Variants in RERGL observed in about 807,000 individuals in gnomAD.
The protein encoded by RERGL is ras-related and estrogen-regulated growth inhibitor-like protein.
A neutral mutation model predicts 24.7 loss-of-function variants in RERGL; 22 were observed. The observed-to-expected ratio is 0.89, with a 90% CI of 0.64 to 1.27. The LOEUF is 1.27. Ranked by LOEUF, RERGL falls within the 50% of genes most tolerant of loss-of-function variation. RERGL has a pLI of 0.00. For synonymous variants in RERGL, 76 were observed against 82.6 expected, an observed-to-expected ratio of 0.92 and a Z score of 0.43; for missense variants, 259 against 235.3, an observed-to-expected ratio of 1.10 and a Z score of -0.66.
At chr12:18,085,138 TG>T (rs1215998850) in intron 3 of RERGL, among the ~76,000 whole-genome samples, 1 of 152,216 alleles carries the variant, frequency 6.6e-6, no homozygotes, top group Non-Finnish European at 1.5e-5. Context: ...ACAGTTGTTT[TG>T]AAACCCTGAA....
chr12:18,087,103 C>T (rs12368201), intron 2 of RERGL, among the ~76,000 whole-genome samples: 7,518 of 152,200 alleles, frequency 0.049, 250 homozygotes, highest in Non-Finnish European at 0.076. Flanking sequence ...ACTCTAGTCT[C>T]GACCACCATC....
At chr12:18,081,796 A>C (rs75040868) in intron 4 of RERGL, among the ~76,000 whole-genome samples, 7,506 of 152,206 alleles carry the variant, frequency 0.049, 249 homozygotes, top group Non-Finnish European at 0.075. Flanking sequence ...AGTTTCTTTT[A>C]ATGTAAAAAT....
At chr12:18,084,432 G>A (rs750601934) in intron 4 of RERGL, 85 bp downstream of exon 4, 1 of 1,277,826 alleles carries the variant, frequency 7.8e-7, no homozygotes, top group South Asian at 1.6e-5. Flanking sequence ...TAATTGGAAG[G>A]CTGTATTAAA....
Position 18,084,588 on chromosome 12 carries a change from A to C in RERGL, c.261T>G (p.Asp87Glu). Residue 87 changes from aspartate (D) to glutamate (E), a missense_variant, in exon 4 of 5, where the codon GAT becomes GAG. Physicochemically the swap from Asp to Glu is conservative, Grantham distance 45. Coordinates refer to ENST00000538724, the MANE Select transcript of RERGL (RefSeq NM_001286201.2). ...DGFVIVYDIS[D>E]RSSFAFAKAL... ...CTTTTGCAAAAGCAAATGAAGACCT[A>C]TCACTGATGTCATACACAATAACAA... The C allele has an allele frequency of 6.2e-7, 1 of 1,613,244 alleles. No individual in the cohort carries two copies. Among genetic ancestry groups the C allele is most frequent in the East Asian group, 2.2e-5 (1 of 44,814 alleles).
chr12:18,089,868 C>G (rs954760649), intron 1 of RERGL, among the ~76,000 whole-genome samples: 1 of 151,938 alleles, frequency 6.6e-6, no homozygotes, highest in Non-Finnish European at 1.5e-5. Context: ...ATTTATCTTG[C>G]TATGCCTGCC....
intron 1 of RERGL, chr12:18,089,322 G>A: frequency 6.4e-7 from 1 of 1,564,162 alleles, no homozygotes. Context: ...TGGCTTCAAG[G>A]TACTATGTGT....
In RERGL at chr12:18,080,970, C is replaced by T; in HGVS notation, c.*221G>A. The T allele has an allele frequency of 4.9e-6, 2 of 404,796 alleles. No homozygotes were observed. Among genetic ancestry groups the T allele is most frequent in the East Asian group, 7.3e-5 (2 of 27,528 alleles). The allele number at this position is 404,796 out of a possible 1,614,324, so 25.1% of individuals were successfully genotyped here. On this transcript the variant is annotated 3_prime_UTR_variant, in exon 5 of 5. Coordinates refer to ENST00000538724, the MANE Select transcript of RERGL (RefSeq NM_001286201.2). ...AGGTTAGGGTGAGTGTGATGTTGTACAATAAATGAAAGGTTCTGTGTGAAG... is the reference window on the plus strand; with the variant it reads ...AGGTTAGGGTGAGTGTGATGTTGTATAATAAATGAAAGGTTCTGTGTGAAG...
chr12:18,085,186 T>G (rs1432673799), intron 3 of RERGL, among the ~76,000 whole-genome samples: 1 of 152,192 alleles, frequency 6.6e-6, no homozygotes, highest in East Asian at 1.9e-4. Flanking sequence ...ATAATCCCAT[T>G]TTAACTGTTT....
chr12:18,089,518 T>A (rs576200820), intron 1 of RERGL: 18 of 485,072 alleles, frequency 3.7e-5, no homozygotes, highest in Middle Eastern at 1.2e-3. Flanking sequence ...ACCATTATAA[T>A]GTGACCGAAA....
At position 18,088,969 on chromosome 12, in the gene RERGL, C is replaced by A. The variant is rs1168360216; in HGVS notation, c.53-13G>T. 7 of 1,602,128 alleles carry A rather than the reference C, an allele frequency of 4.4e-6. No individual in the cohort carries two copies. Among genetic ancestry groups the A allele is most frequent in the Non-Finnish European group, 6.0e-6 (7 of 1,169,600 alleles). On this transcript the variant is annotated splice_polypyrimidine_tract_variant and intron_variant, in intron 1 of 4. Transcript: ENST00000538724. ...CTCACTGTAAGGGCTGCAAAGCAAA[C>A]AATCTAGATTTAGGGCTGTTATATT...
Position 18,085,678 on chromosome 12 carries a change from T to C in RERGL, c.125A>G (p.Lys42Arg), listed in dbSNP as rs150940287. ...TTGTTTCCTTTCCAAACACAAGTGC[T>C]TCTTATAGATAGATTCTGCAAAAAT... The part of the protein sequence containing the change: ...YASNFESIYK[K>R]HLCLERKQLN... The change falls in exon 3 of 5, where the codon AAG becomes AGG. Residue 42 changes from lysine (K) to arginine (R), a missense_variant. Coordinates refer to ENST00000538724, the MANE Select transcript of RERGL (RefSeq NM_001286201.2). 6.3e-7 allele frequency: 1 copy of C among 1,598,066 alleles called. No homozygotes were observed. Among genetic ancestry groups the C allele is most frequent in the African/African-American group, 1.3e-5 (1 of 74,510 alleles).
At chr12:18,083,851 T>A (rs1239395229) in intron 4 of RERGL, among the ~76,000 whole-genome samples, 3 of 152,092 alleles carry the variant, frequency 2.0e-5, no homozygotes, top group Admixed American at 6.5e-5. Flanking sequence ...ATAAATACTT[T>A]CAATGGAAAA....
At chr12:18,082,966 T>C (rs1349077283) in intron 4 of RERGL, among the ~76,000 whole-genome samples, 1 of 152,124 alleles carries the variant, frequency 6.6e-6, no homozygotes, top group East Asian at 1.9e-4. Context: ...TTAAATGGCA[T>C]AGAACACTGC....
At chr12:18,086,571 T>A (rs1344990811) in intron 2 of RERGL, among the ~76,000 whole-genome samples, 4 of 152,158 alleles carry the variant, frequency 2.6e-5, no homozygotes, top group Non-Finnish European at 5.9e-5. Flanking sequence ...GGCAACACTG[T>A]CTCCAGTTTT....
At chr12:18,086,024 A>ATTTTTTTTTT (rs577015041) in intron 2 of RERGL, among the ~76,000 whole-genome samples, 146 of 125,036 alleles carry the variant, frequency 1.2e-3, no homozygotes, top group African/African-American at 1.7e-3. Context: ...CGCCTGGCCA[A>ATTTTTTTTTT]TTTTTTTTTT....
At position 18,084,680 on chromosome 12, in the gene RERGL, A is replaced by C. The variant is rs751020223; in HGVS notation, c.184-15T>G. On this transcript the variant is annotated splice_polypyrimidine_tract_variant and intron_variant, in intron 3 of 4. Transcript: ENST00000538724. ...GCTTTCTGTGTCTGAAAATAAACCA[A>C]GTGCATTAAAAGTGGTGGGATCTAA... The C allele has an allele frequency of 8.1e-6, 13 of 1,605,138 alleles. No individual in the cohort carries two copies. The African/African-American group carries it at 1.7e-4, about 22-fold the overall frequency.
chr12:18,088,193 C>T (rs574061523), intron 2 of RERGL, among the ~76,000 whole-genome samples: 1 of 152,078 alleles, frequency 6.6e-6, no homozygotes, highest in South Asian at 2.1e-4. Context: ...AAATTCATCT[C>T]CTCATTTCAT....
intron 4 of RERGL, among the ~76,000 whole-genome samples, chr12:18,082,643 T>C (rs1173457569): frequency 6.6e-6 from 1 of 152,198 alleles, no homozygotes; most frequent in Non-Finnish European, 1.5e-5. Context: ...TCATGTTCCT[T>C]ATCAATTGCA....
chr12:18,084,516 C>G lies in RERGL; in HGVS notation c.332+1G>C. 1 of 1,600,768 alleles carries G rather than the reference C, an allele frequency of 6.2e-7. No homozygotes were observed. Among genetic ancestry groups the G allele is most frequent in the Admixed American group, 1.8e-5 (1 of 56,362 alleles). On this transcript the variant is annotated splice_donor_variant, in intron 4 of 4. Coordinates refer to ENST00000538724, the MANE Select transcript of RERGL (RefSeq NM_001286201.2). LOFTEE classifies it high-confidence loss of function. ...GGAGAAAGGAATGAAAAATACCTTA[C>G]CTTTTACAATGACTAGTTTGTGGCT...
Sources: allele counts gnomAD v4.1 joint callset (sites outside exome capture counted in the v4.1 genomes callset), GRCh38; gene constraint gnomAD v4.1.1; transcripts MANE v1.5; gene names NCBI Gene and HGNC (gene_info 2026-07-23, HGNC 2026-07-21).